ADGRL3: variants seen among roughly 807,000 people sequenced by gnomAD.
ADGRL3 encodes the protein adhesion G protein-coupled receptor L3.
ADGRL3 carries 62 observed loss-of-function variants against 153.5 expected under a neutral mutation model. That is an observed-to-expected ratio of 0.40 (90% CI 0.33 to 0.50). The LOEUF is 0.50. Ranked by LOEUF, ADGRL3 falls within the 20% of genes least tolerant of loss-of-function variation. The probability of loss-of-function intolerance (pLI) is 0.47; values close to 1 mark genes in which losing one functional copy is unlikely to be tolerated. For synonymous variants in ADGRL3, 710 were observed against 672.5 expected (o/e 1.06, Z -0.86); for missense variants, 1,641 against 1,859.4 (o/e 0.88, Z 2.16).
chr4:61,964,755 T>C lies in ADGRL3; in HGVS notation c.2806-14808T>C, dbSNP rs1318330497. On this transcript the variant is annotated intron_variant, in intron 17 of 26. Coordinates refer to ENST00000683033, the MANE Select transcript of ADGRL3 (RefSeq NM_001387552.1). ...TTGCTTAACTGAAGGAATTATTATT[T>C]TAAAAAAATTTAAATATAATGGTTC... 3.3e-5 allele frequency among the ~76,000 whole-genome samples: 5 copies of C among 152,150 alleles called. No individual in the cohort carries two copies. The East Asian group carries it at 9.7e-4, about 29-fold the overall frequency.
At chr4:61,908,427 T>C (rs1362278913) in intron 11 of ADGRL3, among the ~76,000 whole-genome samples, 2 of 152,006 alleles carry the variant, frequency 1.3e-5, no homozygotes, top group Non-Finnish European at 2.9e-5. Flanking sequence ...TGAAACCCCA[T>C]CTCTACTAAA....
intron 1 of ADGRL3, among the ~76,000 whole-genome samples, chr4:61,304,301 A>G (rs927088861): frequency 7.9e-5 from 12 of 152,250 alleles, no homozygotes; most frequent in Non-Finnish European, 1.8e-4. Flanking sequence ...AAGGGAATAC[A>G]CACCTTGCTA....
intron 10 of ADGRL3, among the ~76,000 whole-genome samples, chr4:61,893,454 TATTGATTGCA>T (rs2098604082): frequency 6.6e-6 from 1 of 152,132 alleles, no homozygotes; most frequent in Admixed American, 6.5e-5. Context: ...AACCATCAGA[TATTGATTGCA>T]GAAAATGAGG....
At chr4:61,612,981 G>T (rs571598541) in intron 5 of ADGRL3, among the ~76,000 whole-genome samples, 16 of 152,132 alleles carry the variant, frequency 1.1e-4, no homozygotes, top group Admixed American at 7.2e-4. Context: ...GCATTTATTT[G>T]CTTCTTTTTT....
intron 4 of ADGRL3, among the ~76,000 whole-genome samples, chr4:61,558,906 G>A (rs1172729891): frequency 1.3e-5 from 2 of 151,950 alleles, no homozygotes; most frequent in Non-Finnish European, 2.9e-5. Flanking sequence ...GTTTCATTGG[G>A]CAGATGACTT....
intron 1 of ADGRL3, among the ~76,000 whole-genome samples, chr4:61,293,338 T>C (rs1177942525): frequency 6.6e-6 from 1 of 152,192 alleles, no homozygotes; most frequent in African/African-American, 2.4e-5. Flanking sequence ...TGATTTCTGC[T>C]AGGTTTATAT....
At chr4:61,407,030 T>C (rs375079058) in intron 2 of ADGRL3, among the ~76,000 whole-genome samples, 1 of 152,090 alleles carries the variant, frequency 6.6e-6, no homozygotes, top group East Asian at 1.9e-4. Flanking sequence ...TGTATAGGTC[T>C]TATTGCATTC....
intron 2 of ADGRL3, among the ~76,000 whole-genome samples, chr4:61,478,317 A>C (rs1341141105): frequency 6.6e-6 from 1 of 152,092 alleles, no homozygotes; most frequent in Non-Finnish European, 1.5e-5. Context: ...TGTCAAAGTG[A>C]TTATGGTAAT....
intron 4 of ADGRL3, among the ~76,000 whole-genome samples, chr4:61,575,746 A>C (rs1332069844): frequency 2.0e-5 from 3 of 152,032 alleles, no homozygotes; most frequent in Non-Finnish European, 4.4e-5. Flanking sequence ...CCATTTTGAA[A>C]ATTCATTTTT....
chr4:61,833,910 G>A (rs1291444025), intron 9 of ADGRL3, among the ~76,000 whole-genome samples: 2 of 151,724 alleles, frequency 1.3e-5, no homozygotes, highest in South Asian at 2.1e-4. Flanking sequence ...GAGTTGATTA[G>A]GTCAGATCCC....
At chr4:61,297,364 T>A (rs1040872006) in intron 1 of ADGRL3, among the ~76,000 whole-genome samples, 11 of 152,148 alleles carry the variant, frequency 7.2e-5, no homozygotes, top group Non-Finnish European at 1.3e-4. Context: ...ATGTGCCTCA[T>A]ATAATATATG....
At chr4:61,428,831 T>TTATC (rs4038727) in intron 2 of ADGRL3, among the ~76,000 whole-genome samples, 11,242 of 134,752 alleles carry the variant, frequency 0.083, 714 homozygotes, top group East Asian at 0.19. Flanking sequence ...TAGCTATCAT[T>TTATC]TATCTATCTA....
At chr4:61,824,089 A>T (rs1442492573) in intron 9 of ADGRL3, among the ~76,000 whole-genome samples, 1 of 152,226 alleles carries the variant, frequency 6.6e-6, no homozygotes. Context: ...TTAATGAAAC[A>T]TTATCAGCAA....
At chr4:61,233,304 CT>C (rs1751526610) in intron 1 of ADGRL3, among the ~76,000 whole-genome samples, 1 of 152,032 alleles carries the variant, frequency 6.6e-6, no homozygotes, top group African/African-American at 2.4e-5. Context: ...TTACTCTTTT[CT>C]TTTTTTAAAT....
chr4:61,378,324 C>T (rs957509630), intron 1 of ADGRL3, among the ~76,000 whole-genome samples: 2 of 152,008 alleles, frequency 1.3e-5, no homozygotes, highest in African/African-American at 4.8e-5. Flanking sequence ...TGCCAGCCTA[C>T]TCATTTAGCC....
chr4:61,677,663 G>A (rs1162273118), intron 6 of ADGRL3, among the ~76,000 whole-genome samples: 4 of 151,896 alleles, frequency 2.6e-5, no homozygotes, highest in South Asian at 2.1e-4. Flanking sequence ...AATCACTCAG[G>A]AAATTATGTA....
At chr4:61,743,103 A>G (rs112021953) in intron 8 of ADGRL3, among the ~76,000 whole-genome samples, 3,117 of 151,838 alleles carry the variant, frequency 0.021, 115 homozygotes, top group African/African-American at 0.069. Flanking sequence ...GGCGGATCAC[A>G]AGGTTAGAAG....
chr4:61,789,697 A>G (rs1174574676), intron 8 of ADGRL3, among the ~76,000 whole-genome samples: 1 of 152,192 alleles, frequency 6.6e-6, no homozygotes, highest in Non-Finnish European at 1.5e-5. Context: ...TTTTTAAGGA[A>G]TGAAATAAGT....
intron 8 of ADGRL3, among the ~76,000 whole-genome samples, chr4:61,784,888 C>T (rs989883318): frequency 3.9e-5 from 6 of 152,008 alleles, no homozygotes; most frequent in East Asian, 3.9e-4. Flanking sequence ...AGTTATATAA[C>T]GTTGGGAAAA....
Sources: gnomAD v4.1 joint callset for allele counts (sites outside exome capture counted in the v4.1 genomes callset) on GRCh38, gnomAD v4.1.1 for gene constraint, MANE v1.5 for transcripts, NCBI Gene and HGNC (gene_info 2026-07-23, HGNC 2026-07-21) for gene names.